The following AGBL4 variants were observed in gnomAD, a reference collection of about 807,000 sequenced individuals.
The protein encoded by AGBL4 is cytosolic carboxypeptidase 6.
AGBL4 carries 58 observed loss-of-function variants against 66.4 expected under a neutral mutation model. That is an observed-to-expected ratio of 0.87 (90% confidence interval 0.71 to 1.09). AGBL4 has a LOEUF of 1.09. Among genes scored for constraint, AGBL4 ranks in the 50% least tolerant of loss-of-function variants. The pLI is 0.00. For synonymous variants in AGBL4, 234 were observed against 222.9 expected, an observed-to-expected ratio of 1.05 and a Z score of -0.44; for missense variants, 579 against 631.0, an observed-to-expected ratio of 0.92 and a Z score of 0.88.
intron 3 of AGBL4, among the ~76,000 whole-genome samples, chr1:49,342,290 C>A (rs927083435): frequency 2.6e-5 from 4 of 152,130 alleles, no homozygotes; most frequent in African/African-American, 9.7e-5. Flanking sequence ...TAGGCTGTAG[C>A]AAATCTGGTG....
chr1:48,823,306 A>G (rs1223567389), intron 6 of AGBL4, among the ~76,000 whole-genome samples: 1 of 152,196 alleles, frequency 6.6e-6, no homozygotes, highest in Non-Finnish European at 1.5e-5. Flanking sequence ...AGGCTGGAAC[A>G]CAGTGCCAAA....
intron 4 of AGBL4, among the ~76,000 whole-genome samples, chr1:49,122,578 G>A (rs980709333): frequency 3.3e-5 from 5 of 152,096 alleles, no homozygotes; most frequent in Non-Finnish European, 2.9e-5. Context: ...ATCAAATACT[G>A]CATATGGTTA....
intron 6 of AGBL4, among the ~76,000 whole-genome samples, chr1:48,855,219 C>T (rs147911375): frequency 6.6e-6 from 1 of 152,282 alleles, no homozygotes; most frequent in East Asian, 1.9e-4. Flanking sequence ...GATGCCCTAC[C>T]TTCCCAGAAC....
intron 3 of AGBL4, among the ~76,000 whole-genome samples, chr1:49,478,446 A>G (rs1646888871): frequency 6.6e-6 from 1 of 152,040 alleles, no homozygotes; most frequent in Non-Finnish European, 1.5e-5. Context: ...TGACATATTT[A>G]ATGCTCTGAG....
intron 3 of AGBL4, among the ~76,000 whole-genome samples, chr1:49,453,911 T>G (rs1463263541): frequency 6.6e-6 from 1 of 151,810 alleles, no homozygotes; most frequent in African/African-American, 2.4e-5. Flanking sequence ...TCCTTTCAGC[T>G]TTCTAAATTT....
intron 6 of AGBL4, among the ~76,000 whole-genome samples, chr1:48,678,006 C>T (rs551281244): frequency 6.6e-6 from 1 of 152,116 alleles, no homozygotes; most frequent in African/African-American, 2.4e-5. Flanking sequence ...TTTCTGACTG[C>T]CTGACACTAC....
chr1:49,348,295 G>A (rs182457968), intron 3 of AGBL4, among the ~76,000 whole-genome samples: 6 of 152,256 alleles, frequency 3.9e-5, no homozygotes, highest in Non-Finnish European at 7.4e-5. Context: ...GCAGGTGCCT[G>A]TAGTCCCAGC....
At chr1:49,175,464 C>T (rs1646813904) in intron 4 of AGBL4, among the ~76,000 whole-genome samples, 1 of 151,860 alleles carries the variant, frequency 6.6e-6, no homozygotes, top group African/African-American at 2.4e-5. Flanking sequence ...TTGATAAGGT[C>T]TAGAATATGA....
At chr1:49,303,049 T>C (rs1644784294) in intron 3 of AGBL4, among the ~76,000 whole-genome samples, 2 of 152,228 alleles carry the variant, frequency 1.3e-5, no homozygotes, top group Non-Finnish European at 1.5e-5. Context: ...ACATTTTCTT[T>C]ATCCTATAAT....
chr1:49,060,003 C>A (rs1421445362), intron 4 of AGBL4, among the ~76,000 whole-genome samples: 1 of 152,018 alleles, frequency 6.6e-6, no homozygotes, highest in African/African-American at 2.4e-5. Flanking sequence ...TGGGTTAATG[C>A]TGGAATGAGT....
intron 5 of AGBL4, among the ~76,000 whole-genome samples, chr1:48,911,615 G>T (rs1325963999): frequency 8.0e-6 from 1 of 125,230 alleles, no homozygotes; most frequent in African/African-American, 3.2e-5. Flanking sequence ...GCAAAACTCC[G>T]TCTCAAAAAA....
downstream of AGBL4, among the ~76,000 whole-genome samples, chr1:48,531,442 G>T (rs74075889): frequency 6.6e-6 from 1 of 152,086 alleles, no homozygotes; most frequent in African/African-American, 2.4e-5. Flanking sequence ...TAGAGAGGGA[G>T]TCCCCTCTAT....
At chr1:49,948,295 AAAATATATAT>A (rs1447006941) in intron 1 of AGBL4, among the ~76,000 whole-genome samples, 17 of 107,734 alleles carry the variant, frequency 1.6e-4, no homozygotes, top group Non-Finnish European at 2.8e-4. Flanking sequence ...TAAATATATA[AAAATATATAT>A]AAATATATAT....
rs939971312 is a variant in AGBL4 at position 49,131,244 on chromosome 1, T to A, written c.378-85444A>T. On this transcript the variant is annotated intron_variant, in intron 4 of 13. Transcript: ENST00000371839. Reference sequence around the variant, plus strand: ...TTGCTTGGGTCAGAGGTGTCAGAGCTGAAGTTGACAGAAAAAAGGCACAAA... The same window carrying A: ...TTGCTTGGGTCAGAGGTGTCAGAGCAGAAGTTGACAGAAAAAAGGCACAAA... Among the ~76,000 whole-genome samples the A allele has an allele frequency of 5.9e-5, 9 of 152,186 alleles. No homozygotes were observed. In the East Asian group the frequency reaches 1.7e-3, roughly 29 times the overall value.
intron 3 of AGBL4, among the ~76,000 whole-genome samples, chr1:49,362,552 G>A (rs547064556): frequency 2.0e-4 from 31 of 151,412 alleles, no homozygotes; most frequent in African/African-American, 6.1e-4. Context: ...AACTTCAGCC[G>A]AGGGAGTAAG....
At chr1:49,773,633 G>C (rs924946017) in intron 2 of AGBL4, among the ~76,000 whole-genome samples, 9 of 152,282 alleles carry the variant, frequency 5.9e-5, no homozygotes, top group African/African-American at 2.2e-4. Context: ...TTCCCTGTTG[G>C]CCAGGCACAT....
intron 3 of AGBL4, among the ~76,000 whole-genome samples, chr1:49,338,231 T>A (rs1349160276): frequency 6.6e-6 from 1 of 152,156 alleles, no homozygotes; most frequent in Admixed American, 6.5e-5. Context: ...CAGACATTCC[T>A]CAAGAGAATA....
chr1:48,737,682 A>G (rs528457051), intron 6 of AGBL4, among the ~76,000 whole-genome samples: 1 of 152,350 alleles, frequency 6.6e-6, no homozygotes, highest in South Asian at 2.1e-4. Flanking sequence ...TCCAGCAATA[A>G]GCTATAAGAT....
chr1:49,044,972 A>T (rs1264760359), intron 5 of AGBL4, among the ~76,000 whole-genome samples: 1 of 152,204 alleles, frequency 6.6e-6, no homozygotes, highest in African/African-American at 2.4e-5. Context: ...TTGTACTACC[A>T]TATTTGTGGT....
Sources: allele counts gnomAD v4.1 joint callset (sites outside exome capture counted in the v4.1 genomes callset), GRCh38; gene constraint gnomAD v4.1.1; transcripts MANE v1.5; gene names NCBI Gene and HGNC (gene_info 2026-07-23, HGNC 2026-07-21).